Variants in NTM observed in about 807,000 individuals in gnomAD.
The protein encoded by NTM is IgLON family member 2.
A neutral mutation model predicts 42.1 loss-of-function variants in NTM; 13 were observed. The ratio of observed to expected loss-of-function variants is 0.31; its 90% confidence interval spans 0.20 to 0.49. NTM has a LOEUF of 0.49. NTM is among the 20% of genes least tolerant of loss of function. The pLI is 0.99. For missense variants in NTM, 373 were observed against 452.8 expected (o/e 0.82, Z 1.60); for synonymous variants, 187 against 179.2 (o/e 1.04, Z -0.35).
At chr11:131,902,259 A>C (rs919231825) in intron 1 of NTM, among the ~76,000 whole-genome samples, 1 of 152,238 alleles carries the variant, frequency 6.6e-6, no homozygotes, top group African/African-American at 2.4e-5. Context: ...AAATACAAAG[A>C]AACTTGACTT....
chr11:131,782,192 G>A (rs1394320113), intron 1 of NTM, among the ~76,000 whole-genome samples: 1 of 152,126 alleles, frequency 6.6e-6, no homozygotes, highest in Non-Finnish European at 1.5e-5. Context: ...TAGTGAAACA[G>A]AGATGAAAGA....
chr11:131,824,619 A>G (rs749697764), intron 1 of NTM, among the ~76,000 whole-genome samples: 13 of 152,220 alleles, frequency 8.5e-5, no homozygotes, highest in Non-Finnish European at 1.9e-4. Context: ...TCAAAGAGCA[A>G]ATGTGTTTTT....
At chr11:132,185,866 T>C (rs2078311983) in intron 3 of NTM, among the ~76,000 whole-genome samples, 1 of 152,244 alleles carries the variant, frequency 6.6e-6, no homozygotes, top group Non-Finnish European at 1.5e-5. Context: ...TCGGATTCTT[T>C]AACGTTGACC....
intron 2 of NTM, among the ~76,000 whole-genome samples, chr11:131,972,416 A>C (rs2063692326): frequency 1.3e-5 from 2 of 152,140 alleles, no homozygotes; most frequent in Admixed American, 1.3e-4. Context: ...TAGCTTTATA[A>C]TTTTGCCTTT....
intron 2 of NTM, among the ~76,000 whole-genome samples, chr11:131,970,253 ATGT>A (rs1555198702): frequency 2.0e-5 from 3 of 152,148 alleles, no homozygotes; most frequent in Non-Finnish European, 4.4e-5. Context: ...CAATTTTTCT[ATGT>A]TGACCTGAAC....
At chr11:131,902,830 G>A (rs1038063349) in intron 1 of NTM, among the ~76,000 whole-genome samples, 1 of 152,128 alleles carries the variant, frequency 6.6e-6, no homozygotes, top group Admixed American at 6.5e-5. Context: ...CATGACTCAG[G>A]AATTATTTCA....
In NTM at chr11:131,689,663, C is replaced by T. The variant is rs146464108; in HGVS notation, c.83-221901C>T. 5.4e-3 allele frequency among the ~76,000 whole-genome samples: 820 copies of T among 152,230 alleles called. 10 individuals carry two copies. The highest frequency in any genetic ancestry group is 0.019 in the African/African-American group (778 of 41,530). On this transcript the variant is annotated intron_variant, in intron 1 of 8. Transcript: ENST00000683400. The stretch of plus-strand genomic sequence containing the variant: ...GGGCCTCAGCAGCCTTCTGAGAGGA[C>T]GGAAAACGGAAGGCCAGCAAGGGTG...
chr11:131,783,346 A>T (rs2088533616), intron 1 of NTM, among the ~76,000 whole-genome samples: 1 of 152,174 alleles, frequency 6.6e-6, no homozygotes, highest in Admixed American at 6.5e-5. Flanking sequence ...AAGAAGAGAC[A>T]GTGCGCCATA....
chr11:131,761,071 C>G (rs2084087406), intron 1 of NTM, among the ~76,000 whole-genome samples: 1 of 151,262 alleles, frequency 6.6e-6, no homozygotes, highest in African/African-American at 2.4e-5. Flanking sequence ...GTGGGGTGGG[C>G]AGGGCAGGGG....
chr11:131,500,624 G>A (rs1281903082), intron 1 of NTM, among the ~76,000 whole-genome samples: 1 of 141,618 alleles, frequency 7.1e-6, no homozygotes, highest in African/African-American at 2.6e-5. Flanking sequence ...TAGGGTACAT[G>A]GGCACAACGT....
At position 131,401,822 on chromosome 11, in the gene NTM, A is replaced by ATATGTGTG. The variant is rs1555101762; in HGVS notation, c.82+30937_82+30938insGTGTGTAT. On this transcript the variant is annotated intron_variant, in intron 1 of 8. Transcript: ENST00000683400. ...GAAATATATATATATATATATATAT[A>ATATGTGTG]TATATATATATATATATATATATAT... 5.2e-5 allele frequency among the ~76,000 whole-genome samples: 3 copies of ATATGTGTG among 57,852 alleles called. 1 individual carries two copies. The highest frequency in any genetic ancestry group is 1.1e-4 in the Non-Finnish European group (3 of 28,536). The allele number at this position is 57,852 out of a possible 152,430, so 38.0% of individuals were successfully genotyped here.
At chr11:131,468,096 T>C (rs1952066951) in intron 1 of NTM, among the ~76,000 whole-genome samples, 1 of 152,204 alleles carries the variant, frequency 6.6e-6, no homozygotes, top group Non-Finnish European at 1.5e-5. Context: ...GAAGGGCATT[T>C]AGTACGGTGG....
chr11:132,236,812 A>G (rs1431730222), intron 4 of NTM, among the ~76,000 whole-genome samples: 1 of 152,040 alleles, frequency 6.6e-6, no homozygotes, highest in Non-Finnish European at 1.5e-5. Flanking sequence ...GGCCTTACTG[A>G]CTCCCTCCGA....
chr11:132,085,381 G>C (rs781434743), intron 2 of NTM, among the ~76,000 whole-genome samples: 26 of 152,180 alleles, frequency 1.7e-4, no homozygotes, highest in Non-Finnish European at 2.9e-4. Flanking sequence ...TGAAGGGTGT[G>C]GTTAATTCCA....
chr11:131,728,665 T>C (rs542137391), intron 1 of NTM, among the ~76,000 whole-genome samples: 3 of 152,348 alleles, frequency 2.0e-5, no homozygotes, highest in Non-Finnish European at 4.4e-5. Context: ...CGCCAAGGCC[T>C]GATTTTTCAA....
intron 2 of NTM, among the ~76,000 whole-genome samples, chr11:132,037,470 A>G (rs1329444585): frequency 1.3e-5 from 2 of 152,188 alleles, no homozygotes; most frequent in African/African-American, 2.4e-5. Flanking sequence ...ACAATAGTCA[A>G]ATAGGCCAGA....
intron 4 of NTM, among the ~76,000 whole-genome samples, chr11:132,250,127 T>C (rs1394622186): frequency 6.6e-6 from 1 of 152,244 alleles, no homozygotes; most frequent in Non-Finnish European, 1.5e-5. Flanking sequence ...TCCTGATTCC[T>C]GAACGGTACT....
At chr11:132,112,431 G>T (rs928626234) in intron 2 of NTM, among the ~76,000 whole-genome samples, 1 of 152,166 alleles carries the variant, frequency 6.6e-6, no homozygotes, top group African/African-American at 2.4e-5. Context: ...AGTAAATAAT[G>T]AGAAGTCTTA....
At chr11:131,865,868 AC>A (rs1360133516) in intron 1 of NTM, among the ~76,000 whole-genome samples, 1 of 136,436 alleles carries the variant, frequency 7.3e-6, no homozygotes, top group African/African-American at 2.7e-5. Context: ...CTACATACAC[AC>A]ATGCTACACA....
Sources: gnomAD v4.1 joint callset for allele counts (sites outside exome capture counted in the v4.1 genomes callset) on GRCh38, gnomAD v4.1.1 for gene constraint, MANE v1.5 for transcripts, NCBI Gene and HGNC (gene_info 2026-07-23, HGNC 2026-07-21) for gene names.